The following DSCAM variants were observed in gnomAD, a reference collection of about 807,000 sequenced individuals.
DSCAM encodes cell adhesion molecule DSCAM.
DSCAM carries 47 observed loss-of-function variants against 217.7 expected under a neutral mutation model. The ratio of observed to expected loss-of-function variants is 0.22; its 90% confidence interval spans 0.17 to 0.28. The LOEUF (loss-of-function observed/expected upper bound fraction) is 0.28, where lower values mean the gene tolerates loss of function less well. Ranked by LOEUF, DSCAM falls within the 10% of genes least tolerant of loss-of-function variation. The pLI, the probability that DSCAM is intolerant of heterozygous loss-of-function variation, is 1.00. For synonymous variants in DSCAM, 1,056 were observed against 1,015.3 expected, an observed-to-expected ratio of 1.04 and a Z score of -0.76; for missense variants, 2,080 against 2,618.3, an observed-to-expected ratio of 0.79 and a Z score of 4.49.
intron 10 of DSCAM, among the ~76,000 whole-genome samples, chr21:40,286,796 A>G (rs2073831080): frequency 6.9e-6 from 1 of 143,896 alleles, no homozygotes. Flanking sequence ...CTGCAGTATG[A>G]TCTGCAGGTA....
chr21:40,646,342 T>C (rs941616294), intron 3 of DSCAM, among the ~76,000 whole-genome samples: 4 of 146,338 alleles, frequency 2.7e-5, no homozygotes, highest in Non-Finnish European at 5.9e-5. Context: ...CCCCAGGAGG[T>C]GGAGGTTGCA....
intron 15 of DSCAM, among the ~76,000 whole-genome samples, chr21:40,177,800 G>C (rs889413491): frequency 3.1e-4 from 47 of 152,124 alleles, no homozygotes; most frequent in African/African-American, 1.1e-3. Flanking sequence ...TTTATATTTG[G>C]GATGCTGTTA....
chr21:40,114,640 G>A (rs2089944610), intron 20 of DSCAM, among the ~76,000 whole-genome samples: 1 of 152,104 alleles, frequency 6.6e-6, no homozygotes, highest in South Asian at 2.1e-4. Context: ...TACAGAATGG[G>A]AGAAAATTTT....
chr21:40,809,792 G>T (rs2091821612), intron 1 of DSCAM, among the ~76,000 whole-genome samples: 1 of 152,190 alleles, frequency 6.6e-6, no homozygotes, highest in Non-Finnish European at 1.5e-5. Context: ...ACATCAAAAA[G>T]ATGCTTTAAA....
chr21:40,266,726 T>TTG (rs1300854056), intron 11 of DSCAM, among the ~76,000 whole-genome samples: 1 of 133,242 alleles, frequency 7.5e-6, no homozygotes, highest in Admixed American at 7.9e-5. Context: ...CTTGTATATC[T>TTG]TGTGTGTATA....
intron 4 of DSCAM, among the ~76,000 whole-genome samples, chr21:40,364,679 TAAAA>T (rs920573862): frequency 1.0e-5 from 1 of 95,772 alleles, no homozygotes; most frequent in South Asian, 3.8e-4. Context: ...AAAGTACAAT[TAAAA>T]AAAAGTGTAT....
At chr21:40,556,029 A>G (rs535493285) in intron 3 of DSCAM, among the ~76,000 whole-genome samples, 54 of 152,324 alleles carry the variant, frequency 3.5e-4, no homozygotes, top group African/African-American at 1.3e-3. Context: ...AAATTCTGTC[A>G]GTAAGAAAAA....
intron 9 of DSCAM, 121 bp downstream of exon 9, chr21:40,311,960 T>TTTTTTTTTAA: frequency 3.1e-6 from 1 of 321,030 alleles, no homozygotes; most frequent in Non-Finnish European, 4.8e-6. Context: ...TTTTTTTTTT[T>TTTTTTTTTAA]AGTGAGATAA....
At chr21:40,120,246 C>A (rs2090018516) in intron 20 of DSCAM, among the ~76,000 whole-genome samples, 1 of 152,190 alleles carries the variant, frequency 6.6e-6, no homozygotes, top group African/African-American at 2.4e-5. Flanking sequence ...CTGGAATAAC[C>A]AATGTGAATC....
chr21:40,135,859 G>T (rs1240800487), intron 18 of DSCAM, among the ~76,000 whole-genome samples: 1 of 152,204 alleles, frequency 6.6e-6, no homozygotes, highest in African/African-American at 2.4e-5. Context: ...GGCAAATACT[G>T]CATGGGATGG....
At chr21:40,843,793 T>C (rs966514298) in intron 1 of DSCAM, among the ~76,000 whole-genome samples, 49 of 142,786 alleles carry the variant, frequency 3.4e-4, no homozygotes, top group East Asian at 8.0e-4. Flanking sequence ...ACTTCTTCTT[T>C]TTTTTTTTTT....
intron 3 of DSCAM, among the ~76,000 whole-genome samples, chr21:40,575,951 A>T (rs2076847000): frequency 6.6e-6 from 1 of 152,210 alleles, no homozygotes; most frequent in East Asian, 1.9e-4. Flanking sequence ...CATCTCATAC[A>T]CACTATATTG....
intron 3 of DSCAM, among the ~76,000 whole-genome samples, chr21:40,678,319 T>C (rs2146417211): frequency 6.6e-6 from 1 of 152,292 alleles, no homozygotes; most frequent in Middle Eastern, 3.4e-3. Context: ...ATGACAGTAA[T>C]GGAGAAATTT....
chr21:40,679,163 A>C (rs1378331608), intron 3 of DSCAM, among the ~76,000 whole-genome samples: 5 of 152,210 alleles, frequency 3.3e-5, no homozygotes, highest in Admixed American at 6.5e-5. Flanking sequence ...GTAGTAGAAA[A>C]AAATATAGAA....
intron 1 of DSCAM, among the ~76,000 whole-genome samples, chr21:40,754,708 A>G (rs980171236): frequency 2.0e-5 from 3 of 152,190 alleles, no homozygotes; most frequent in Non-Finnish European, 4.4e-5. Context: ...GCTGCCAGGA[A>G]ATGGTAAGGA....
intron 1 of DSCAM, among the ~76,000 whole-genome samples, chr21:40,831,180 A>G (rs893926377): frequency 3.3e-5 from 5 of 152,372 alleles, no homozygotes; most frequent in African/African-American, 1.2e-4. Context: ...CATTTGGACA[A>G]TGGACACACT....
intron 3 of DSCAM, among the ~76,000 whole-genome samples, chr21:40,537,308 C>T (rs1475957743): frequency 2.0e-5 from 3 of 152,320 alleles, no homozygotes; most frequent in Admixed American, 2.0e-4. Context: ...GACAGACAGA[C>T]AGCAGGCTGA....
chr21:40,373,809 A>T (rs2074923238), intron 3 of DSCAM, among the ~76,000 whole-genome samples: 1 of 152,210 alleles, frequency 6.6e-6, no homozygotes, highest in South Asian at 2.1e-4. Flanking sequence ...AGTGGATCTG[A>T]ACTACAAAAC....
chr21:40,376,277 T>C (rs1401748295), intron 3 of DSCAM, among the ~76,000 whole-genome samples: 1 of 152,030 alleles, frequency 6.6e-6, no homozygotes, highest in Non-Finnish European at 1.5e-5. Flanking sequence ...GCCGTTTCAA[T>C]AACAGTTTCT....
Sources: gnomAD v4.1 joint callset for allele counts (sites outside exome capture counted in the v4.1 genomes callset) on GRCh38, gnomAD v4.1.1 for gene constraint, MANE v1.5 for transcripts, NCBI Gene and HGNC (gene_info 2026-07-23, HGNC 2026-07-21) for gene names.